MEIS1: variants seen among roughly 807,000 people sequenced by gnomAD.
MEIS1 encodes homeobox protein Meis1.
In MEIS1, 5 loss-of-function variants were observed where a neutral mutation model predicts 50.8. The observed-to-expected ratio is 0.10, with a 90% CI of 0.05 to 0.21. The LOEUF is 0.21. MEIS1 is among the 10% of genes least tolerant of loss of function. MEIS1 has a pLI of 1.00. For missense variants in MEIS1, 318 were observed against 517.3 expected (o/e 0.61, Z 3.74); for synonymous variants, 176 against 179.3 (o/e 0.98, Z 0.15).
At chr2:66,509,155 G>T (rs1350143137) in intron 7 of MEIS1, 1 of 404,742 alleles carries the variant, frequency 2.5e-6, no homozygotes, top group African/African-American at 2.1e-5. Context: ...TTCCTCTGAG[G>T]TTGAGACATT....
intron 8 of MEIS1, among the ~76,000 whole-genome samples, chr2:66,540,991 A>C (rs1304758976): frequency 6.6e-6 from 1 of 151,940 alleles, no homozygotes; most frequent in East Asian, 1.9e-4. Context: ...AAAAGATCAG[A>C]TAAGTGAGGC....
intron 8 of MEIS1, among the ~76,000 whole-genome samples, chr2:66,544,118 G>C (rs914575665): frequency 5.3e-5 from 8 of 152,186 alleles, no homozygotes; most frequent in Admixed American, 3.3e-4. Flanking sequence ...ACTTCTCGGA[G>C]ATTACTCTTT....
At chr2:66,504,034 C>A (rs569334670) in intron 7 of MEIS1, among the ~76,000 whole-genome samples, 1 of 150,720 alleles carries the variant, frequency 6.6e-6, no homozygotes, top group Non-Finnish European at 1.5e-5. Flanking sequence ...TGTGAGCCAC[C>A]GCGCCCAGCC....
At chr2:66,510,064 T>C (rs1484866763) in intron 7 of MEIS1, among the ~76,000 whole-genome samples, 1 of 152,142 alleles carries the variant, frequency 6.6e-6, no homozygotes, top group Non-Finnish European at 1.5e-5. Flanking sequence ...AATGATCAGG[T>C]CGTATGTGTC....
intron 6 of MEIS1, among the ~76,000 whole-genome samples, chr2:66,462,647 T>A (rs1196034077): frequency 6.6e-6 from 1 of 152,174 alleles, no homozygotes; most frequent in Non-Finnish European, 1.5e-5. Context: ...CATTAACTGT[T>A]TGCATTCTGA....
chr2:66,484,508 A>G (rs1044946553), intron 7 of MEIS1, among the ~76,000 whole-genome samples: 2 of 152,128 alleles, frequency 1.3e-5, no homozygotes, highest in Admixed American at 6.5e-5. Context: ...ATCAAACATG[A>G]TCCCATTCCT....
chr2:66,524,698 AT>A (rs66484955), intron 8 of MEIS1, among the ~76,000 whole-genome samples: 4 of 152,120 alleles, frequency 2.6e-5, no homozygotes, highest in African/African-American at 9.6e-5. Context: ...AAGCCTTTAA[AT>A]TTTTTTTCAC....
At chr2:66,491,986 T>C (rs886692046) in intron 7 of MEIS1, among the ~76,000 whole-genome samples, 1 of 151,784 alleles carries the variant, frequency 6.6e-6, no homozygotes, top group African/African-American at 2.4e-5. Context: ...TAATAAGGAA[T>C]CTGTTATCAA....
chr2:66,439,867 A>G lies in MEIS1; in HGVS notation c.264A>G (p.Ala88=), dbSNP rs1170125894. The change falls in exon 3 of 13, where the codon GCA becomes GCG. Residue 88 remains alanine, a synonymous_variant. Coordinates refer to ENST00000272369, the MANE Select transcript of MEIS1 (RefSeq NM_002398.3). ...IYGHPLFPLL[A]LIFEKCELAT... is the part of the protein sequence containing the mutation. Reference sequence around the variant, plus strand: ...GACACCCCCTCTTCCCTCTCTTAGCACTGATTTTTGAGAAATGTGAATTAG... The same window carrying G: ...GACACCCCCTCTTCCCTCTCTTAGCGCTGATTTTTGAGAAATGTGAATTAG... 1.2e-6 allele frequency: 2 copies of G among 1,613,494 alleles called. No homozygotes were observed. Among genetic ancestry groups the G allele is most frequent in the South Asian group, 2.2e-5 (2 of 91,030 alleles).
chr2:66,548,256 GTA>G (rs1366111659), intron 9 of MEIS1, among the ~76,000 whole-genome samples: 2 of 152,206 alleles, frequency 1.3e-5, no homozygotes, highest in African/African-American at 4.8e-5. Flanking sequence ...CATAGTATAA[GTA>G]TGTGTGTAAT....
chr2:66,440,662 C>T, intron 4 of MEIS1, 50 bp downstream of exon 4: 1 of 1,305,314 alleles, frequency 7.7e-7, no homozygotes, highest in East Asian at 2.5e-5. Context: ...CCCTACCTCC[C>T]ACCTCCAACG....
intron 7 of MEIS1, among the ~76,000 whole-genome samples, chr2:66,464,914 A>G (rs950305535): frequency 6.6e-6 from 1 of 152,230 alleles, no homozygotes; most frequent in African/African-American, 2.4e-5. Flanking sequence ...CGAATTGAGT[A>G]TTCAAATGTC....
chr2:66,536,563 AT>A (rs921687629), intron 8 of MEIS1, among the ~76,000 whole-genome samples: 5 of 151,902 alleles, frequency 3.3e-5, no homozygotes, highest in South Asian at 2.1e-4. Context: ...ATAAATACTG[AT>A]TTTTTTTTCT....
intron 6 of MEIS1, among the ~76,000 whole-genome samples, chr2:66,446,735 C>T (rs920893507): frequency 6.6e-6 from 1 of 152,160 alleles, no homozygotes; most frequent in African/African-American, 2.4e-5. Context: ...CAGAGAGCCA[C>T]GCTCGCCAGG....
rs574144228 is a variant in MEIS1 at position 66,558,054 on chromosome 2, C to T, written c.966-9399C>T. Among the ~76,000 whole-genome samples, 7 of 151,956 alleles carry T rather than the reference C, an allele frequency of 4.6e-5. No homozygotes were observed. The East Asian group carries it at 5.8e-4, about 13-fold the overall frequency. ...CAGCATTTTGGGAGGCCGAGGGAGG[C>T]GGATCACCTGAGGTTGGGAGTTCAA... On this transcript the variant is annotated intron_variant, in intron 9 of 12. Coordinates refer to ENST00000272369, the MANE Select transcript of MEIS1 (RefSeq NM_002398.3).
intron 2 of MEIS1, among the ~76,000 whole-genome samples, chr2:66,438,638 G>T (rs1355251884): frequency 2.0e-5 from 3 of 152,182 alleles, no homozygotes; most frequent in Non-Finnish European, 4.4e-5. Flanking sequence ...TTCCTCGGAG[G>T]TTGTTTTCTG....
chr2:66,443,792 CCGGCGGCTCCCT>C (rs1672059922), intron 6 of MEIS1: 1 of 152,560 alleles, frequency 6.6e-6, no homozygotes, highest in African/African-American at 2.4e-5. Context: ...CAGGGGCACC[CCGGCGGCTCCCT>C]GGGTAAGGAG....
intron 7 of MEIS1, among the ~76,000 whole-genome samples, chr2:66,510,026 T>A (rs1454305724): frequency 6.6e-6 from 1 of 152,214 alleles, no homozygotes; most frequent in Admixed American, 6.5e-5. Context: ...AACAGTATTG[T>A]AAGGTTATAA....
chr2:66,538,252 C>T (rs1674566873), intron 8 of MEIS1, among the ~76,000 whole-genome samples: 2 of 152,100 alleles, frequency 1.3e-5, no homozygotes, highest in African/African-American at 4.8e-5. Flanking sequence ...GAGTCAAATC[C>T]CAGCTCTATT....
Sources: allele counts gnomAD v4.1 joint callset (sites outside exome capture counted in the v4.1 genomes callset), GRCh38; gene constraint gnomAD v4.1.1; transcripts MANE v1.5; gene names NCBI Gene and HGNC (gene_info 2026-07-23, HGNC 2026-07-21).